The following KIAA0586 variants were observed in gnomAD, a reference collection of about 807,000 sequenced individuals.
The protein encoded by KIAA0586 is protein TALPID3.
In KIAA0586, 144 loss-of-function variants were observed where a neutral mutation model predicts 169.8. That is an observed-to-expected ratio of 0.85 (90% CI 0.74 to 0.97). KIAA0586 has a LOEUF of 0.97. Among genes scored for constraint, KIAA0586 ranks in the 50% least tolerant of loss-of-function variants. KIAA0586 has a pLI of 0.00. For synonymous variants in KIAA0586, 625 were observed against 612.4 expected (o/e 1.02, Z -0.30); for missense variants, 1,854 against 1,823.0 (o/e 1.02, Z -0.31).
intron 26 of KIAA0586, among the ~76,000 whole-genome samples, chr14:58,497,507 C>T (rs550911622): frequency 6.6e-6 from 1 of 151,674 alleles, no homozygotes; most frequent in Non-Finnish European, 1.5e-5. Context: ...CTACAGGCAC[C>T]CGCCACCACG....
At position 58,492,294 on chromosome 14, in the gene KIAA0586, G is replaced by A. The variant is rs775410680; in HGVS notation, c.3990+19G>A. 8.5e-6 allele frequency: 13 copies of A among 1,532,436 alleles called. No homozygotes were observed. Among genetic ancestry groups the A allele is most frequent in the Non-Finnish European group, 1.1e-5 (13 of 1,140,988 alleles). 94.9% of individuals were successfully genotyped at this position (1,532,436 alleles called of 1,614,324 possible). On this transcript the variant is annotated intron_variant, in intron 26 of 30. Coordinates refer to ENST00000652326, the MANE Select transcript of KIAA0586 (RefSeq NM_001329943.3). ...TTCAGAGGTACTTTTTAACTTTAAT[G>A]ACTTTTTTTTGGTTAGATCTAAATA...
intron 9 of KIAA0586, among the ~76,000 whole-genome samples, chr14:58,454,087 T>G (rs1187459191): frequency 6.6e-6 from 1 of 152,182 alleles, no homozygotes; most frequent in Non-Finnish European, 1.5e-5. Flanking sequence ...TCTATATGCC[T>G]TAGGTCTTAG....
the KIAA0586 span, among the ~76,000 whole-genome samples, chr14:58,561,116 A>G: frequency 6.6e-6 from 1 of 152,186 alleles, no homozygotes; most frequent in Non-Finnish European, 1.5e-5. Flanking sequence ...GTCCCCTAAT[A>G]GATTTTTAGA....
At chr14:58,436,861 G>C (rs1464430050) in intron 4 of KIAA0586, among the ~76,000 whole-genome samples, 1 of 152,216 alleles carries the variant, frequency 6.6e-6, no homozygotes, top group Non-Finnish European at 1.5e-5. Flanking sequence ...AATCTGGCTA[G>C]AGTGTCTAGA....
At chr14:58,528,654 A>G (rs1339453256) in intron 29 of KIAA0586, among the ~76,000 whole-genome samples, 1 of 152,214 alleles carries the variant, frequency 6.6e-6, no homozygotes, top group Non-Finnish European at 1.5e-5. Context: ...CTTTGAAACC[A>G]ATGAGAACAA....
rs755622220 is a variant in KIAA0586 at position 58,540,064 on chromosome 14, T to TA, written c.4430-6dup. Reference sequence around the variant, plus strand: ...ATTTTCTTCTGAAAAAATAAATTTTTATGTAGTTTCACCAGGTGATATGGA... The same window carrying TA: ...ATTTTCTTCTGAAAAAATAAATTTTTAATGTAGTTTCACCAGGTGATATGGA... On this transcript the variant is annotated splice_polypyrimidine_tract_variant and splice_region_variant and intron_variant, in intron 29 of 30. Transcript: ENST00000652326. 28 of 1,516,938 alleles carry TA rather than the reference T, an allele frequency of 1.8e-5. No individual in the cohort carries two copies. The highest frequency in any genetic ancestry group is 1.7e-4 in the Middle Eastern group (1 of 5,902). 94.0% of individuals were successfully genotyped at this position (1,516,938 alleles called of 1,614,324 possible).
chr14:58,546,884 GAA>G (rs771139866), intron 30 of KIAA0586, among the ~76,000 whole-genome samples: 1 of 152,074 alleles, frequency 6.6e-6, no homozygotes, highest in Non-Finnish European at 1.5e-5. Flanking sequence ...ACAGTAGAGA[GAA>G]AAGTCTATTT....
intron 26 of KIAA0586, 54 bp from the exon 27 acceptor site, chr14:58,498,729 G>A: frequency 1.3e-6 from 2 of 1,489,280 alleles, no homozygotes; most frequent in Non-Finnish European, 1.8e-6. Flanking sequence ...AAGATTTCCT[G>A]TTTTGACTTG....
At chr14:58,434,429 CT>C (rs1212017353) in intron 4 of KIAA0586, among the ~76,000 whole-genome samples, 4 of 152,100 alleles carry the variant, frequency 2.6e-5, no homozygotes, top group Non-Finnish European at 4.4e-5. Context: ...TGTTTGAGTT[CT>C]TGAAAAATTT....
intron 29 of KIAA0586, among the ~76,000 whole-genome samples, chr14:58,517,581 A>T (rs1166949800): frequency 6.6e-6 from 1 of 152,182 alleles, no homozygotes; most frequent in Non-Finnish European, 1.5e-5. Flanking sequence ...TATAAAATTA[A>T]ACATAAATTT....
At chr14:58,447,651 T>G (rs2039012840) in intron 6 of KIAA0586, among the ~76,000 whole-genome samples, 2 of 151,922 alleles carry the variant, frequency 1.3e-5, no homozygotes, top group Non-Finnish European at 2.9e-5. Flanking sequence ...CAGCTAATTT[T>G]TGTATTTTTA....
chr14:58,490,264 C>G (rs1313651469), intron 25 of KIAA0586, 24 bp downstream of exon 25: 1 of 1,317,142 alleles, frequency 7.6e-7, no homozygotes, highest in Non-Finnish European at 1.0e-6. Context: ...GACTCCAACA[C>G]TGAATTCTGA....
intron 6 of KIAA0586, among the ~76,000 whole-genome samples, chr14:58,445,590 T>C (rs1432063301): frequency 1.3e-5 from 2 of 151,826 alleles, no homozygotes; most frequent in African/African-American, 4.8e-5. Context: ...TGCGCCACCA[T>C]GCCCAGCTAA....
At chr14:58,460,556 G>A (rs1488949641) in intron 13 of KIAA0586, among the ~76,000 whole-genome samples, 1 of 152,144 alleles carries the variant, frequency 6.6e-6, no homozygotes, top group Admixed American at 6.5e-5. Context: ...GATCAGTAAA[G>A]CATCTAATTC....
rs1270703288 is a variant in KIAA0586, at chr14:58,492,225, A to C, written c.3940A>C (p.Lys1314Gln). 3.9e-6 allele frequency: 6 copies of C among 1,551,250 alleles called. No homozygotes were observed. The Admixed American group carries it at 7.8e-5, about 20-fold the overall frequency. ...TGCAGATGCAATTCTTTCTTTTGCTAAACAAAACCAGGAGTCAGCAGTTTC... is the reference window on the plus strand; with the variant it reads ...TGCAGATGCAATTCTTTCTTTTGCTCAACAAAACCAGGAGTCAGCAGTTTC... ...FHADAILSFAKQNQESAVSQQ... is the reference protein window; with the variant it reads ...FHADAILSFAQQNQESAVSQQ... The change falls in exon 26 of 31, where the codon AAA (lysine) becomes CAA (glutamine). Residue 1314 changes from lysine to glutamine, a missense_variant. Coordinates refer to ENST00000652326, the MANE Select transcript of KIAA0586 (RefSeq NM_001329943.3).
At chr14:58,559,314 G>T in the KIAA0586 span, among the ~76,000 whole-genome samples, 1 of 152,182 alleles carries the variant, frequency 6.6e-6, no homozygotes, top group African/African-American at 2.4e-5. Flanking sequence ...GGGAGCTCTG[G>T]ATACTTGTTC....
chr14:58,452,371 T>G (rs1345236612), intron 8 of KIAA0586, among the ~76,000 whole-genome samples: 1 of 152,210 alleles, frequency 6.6e-6, no homozygotes, highest in Non-Finnish European at 1.5e-5. Context: ...CTAAACACTT[T>G]AATTCTTGGA....
chr14:58,505,398 A>C (rs1377988413), intron 27 of KIAA0586, among the ~76,000 whole-genome samples: 1 of 152,202 alleles, frequency 6.6e-6, no homozygotes, highest in Non-Finnish European at 1.5e-5. Flanking sequence ...TGCACTATAA[A>C]CAATGCTAGA....
chr14:58,530,340 A>C (rs2045877150), intron 29 of KIAA0586, among the ~76,000 whole-genome samples: 1 of 152,220 alleles, frequency 6.6e-6, no homozygotes, highest in Admixed American at 6.5e-5. Flanking sequence ...AGAAAAAACT[A>C]CTTTAAATTT....
Sources: gnomAD v4.1 joint callset for allele counts (sites outside exome capture counted in the v4.1 genomes callset) on GRCh38, gnomAD v4.1.1 for gene constraint, MANE v1.5 for transcripts, NCBI Gene and HGNC (gene_info 2026-07-23, HGNC 2026-07-21) for gene names.